FHIP2A: variants seen among roughly 807,000 people sequenced by gnomAD.
FHIP2A encodes family with sequence similarity 160 member B1.
In FHIP2A, 46 loss-of-function variants were observed where a neutral mutation model predicts 93.5. That is an observed-to-expected ratio of 0.49 (90% CI 0.39 to 0.63). FHIP2A has a LOEUF of 0.63. Among genes scored for constraint, FHIP2A ranks in the 20% least tolerant of loss-of-function variants. FHIP2A has a pLI of 0.00. For missense variants in FHIP2A, 769 were observed against 909.7 expected (o/e 0.85, Z 1.99); for synonymous variants, 332 against 326.5 (o/e 1.02, Z -0.18).
rs1448677795 is a variant in FHIP2A, at chr10:114,863,166, GA to G, written c.*1632del. 4.1e-6 allele frequency: 4 copies of G among 977,824 alleles called. No homozygotes were observed. In the African/African-American group the frequency reaches 7.0e-5, roughly 17 times the overall value. The allele number at this position is 977,824 out of a possible 1,614,324, so 60.6% of individuals were successfully genotyped here. A position where few individuals can be genotyped will look rare whatever the true frequency, so the allele number is the denominator to read the frequency against. On this transcript the variant is annotated 3_prime_UTR_variant, in exon 17 of 17. Coordinates refer to ENST00000369248, the MANE Select transcript of FHIP2A (RefSeq NM_020940.4). ...TAAGAAATTTATTAAGTAAAACAAAGAAAAAACAGAAGTGGGAGATAGTTAT... is the reference window on the plus strand; with the variant it reads ...TAAGAAATTTATTAAGTAAAACAAAGAAAAACAGAAGTGGGAGATAGTTAT...
At position 114,862,083 on chromosome 10, in the gene FHIP2A, ATG is replaced by A. The variant is rs1199915729; in HGVS notation, c.*547_*548del. 3 of 957,380 alleles carry A rather than the reference ATG, an allele frequency of 3.1e-6. No homozygotes were observed. The African/African-American group carries it at 5.3e-5, about 17-fold the overall frequency. The allele number at this position is 957,380 out of a possible 1,614,324, so 59.3% of individuals were successfully genotyped here. Reference sequence around the variant, plus strand: ...AATGAATTAATTATAGGCGATAAAAATGTGTAGAGCACCATTAACTTTCTTCA... The same window carrying A: ...AATGAATTAATTATAGGCGATAAAAATGTAGAGCACCATTAACTTTCTTCA... On this transcript the variant is annotated 3_prime_UTR_variant, in exon 17 of 17. Transcript: ENST00000369248.
Position 114,821,837 on chromosome 10 carries a change from G to T in FHIP2A, c.-242G>T, listed in dbSNP as rs561951534. 7.2e-5 allele frequency: 17 copies of T among 237,198 alleles called. No homozygotes were observed. In the Admixed American group the frequency reaches 8.6e-4, roughly 12 times the overall value. 14.7% of individuals were successfully genotyped at this position (237,198 alleles called of 1,614,324 possible). A position where few individuals can be genotyped will look rare whatever the true frequency, so the allele number is the denominator to read the frequency against. Reference sequence around the variant, plus strand: ...CGCCGCCGGAGCTTCTCCGGGCCCCGAGTCCTCGCCGAACGCCCTCCTCGC... The same window carrying T: ...CGCCGCCGGAGCTTCTCCGGGCCCCTAGTCCTCGCCGAACGCCCTCCTCGC... On this transcript the variant is annotated 5_prime_UTR_variant, in exon 1 of 17. Coordinates refer to ENST00000369248, the MANE Select transcript of FHIP2A (RefSeq NM_020940.4).
At chr10:114,872,320 T>C (rs1807353310) in intron 16 of FHIP2A, among the ~76,000 whole-genome samples, 1 of 152,120 alleles carries the variant, frequency 6.6e-6, no homozygotes, top group Non-Finnish European at 1.5e-5. Context: ...TCATTCAAAA[T>C]CCTAGAGGCC....
chr10:114,823,789 C>A (rs1233921263), intron 1 of FHIP2A, among the ~76,000 whole-genome samples: 1 of 151,958 alleles, frequency 6.6e-6, no homozygotes, highest in African/African-American at 2.4e-5. Flanking sequence ...TGAGCCACCA[C>A]ACCCGGCCCG....
intron 14 of FHIP2A, among the ~76,000 whole-genome samples, chr10:114,859,567 C>T (rs1021890915): frequency 6.6e-6 from 1 of 152,188 alleles, no homozygotes; most frequent in Non-Finnish European, 1.5e-5. Context: ...AGTTTTGTTG[C>T]AACCAATCCG....
chr10:114,874,738 A>G (rs1188458573), intron 16 of FHIP2A, among the ~76,000 whole-genome samples: 1 of 152,130 alleles, frequency 6.6e-6, no homozygotes, highest in East Asian at 1.9e-4. Flanking sequence ...TCCTGACCTC[A>G]GGAGATCCGC....
intron 16 of FHIP2A, among the ~76,000 whole-genome samples, chr10:114,894,219 C>T (rs1051067918): frequency 2.0e-5 from 3 of 152,014 alleles, no homozygotes; most frequent in Admixed American, 2.0e-4. Context: ...TTATTGTGTG[C>T]TTGTGTACCA....
chr10:114,885,378 A>G (rs2143015543), intron 16 of FHIP2A, among the ~76,000 whole-genome samples: 2 of 151,656 alleles, frequency 1.3e-5, no homozygotes, highest in South Asian at 4.2e-4. Flanking sequence ...CTGCACAACA[A>G]GAGTGAAACT....
intron 12 of FHIP2A, among the ~76,000 whole-genome samples, chr10:114,847,675 A>G (rs548053436): frequency 6.6e-6 from 1 of 152,216 alleles, no homozygotes; most frequent in South Asian, 2.1e-4. Context: ...GCTGCGGGCA[A>G]CACTTGATAC....
chr10:114,898,148 C>A (rs1368239028), intron 16 of FHIP2A, among the ~76,000 whole-genome samples: 1 of 152,152 alleles, frequency 6.6e-6, no homozygotes, highest in Non-Finnish European at 1.5e-5. Flanking sequence ...CAACTGATCG[C>A]TTTTCAGTTC....
In FHIP2A at chr10:114,864,680, G is replaced by A. The variant is rs568630308; in HGVS notation, c.*3140G>A. 4.1e-6 allele frequency: 4 copies of A among 984,792 alleles called. No homozygotes were observed. Among genetic ancestry groups the A allele is most frequent in the East Asian group, 1.1e-4 (1 of 8,808 alleles). 61.0% of individuals were successfully genotyped at this position (984,792 alleles called of 1,614,324 possible). A position where few individuals can be genotyped will look rare whatever the true frequency, so the allele number is the denominator to read the frequency against. On this transcript the variant is annotated 3_prime_UTR_variant, in exon 17 of 17. Transcript: ENST00000369248. ...CTAACAATGCATGCAGGACTAAGAG[G>A]GATGATCTAAAAAATAAATAATGTA...
chr10:114,861,947 A>G lies in FHIP2A; in HGVS notation c.*407A>G. The G allele has an allele frequency of 1.0e-6, 1 of 986,190 alleles. No individual in the cohort carries two copies. Among genetic ancestry groups the G allele is most frequent in the African/African-American group, 1.7e-5 (1 of 57,348 alleles). The allele number at this position is 986,190 out of a possible 1,614,324, so 61.1% of individuals were successfully genotyped here. A position where few individuals can be genotyped will look rare whatever the true frequency, so the allele number is the denominator to read the frequency against. ...TCAAATGCTTGTATTCTTTTGGATT[A>G]ATAAGTAGCAAAAAAAAATCACTAA... is the stretch of plus-strand genomic sequence containing the variant. On this transcript the variant is annotated 3_prime_UTR_variant, in exon 17 of 17. Transcript: ENST00000369248.
rs533116185 is a variant in FHIP2A, at chr10:114,843,770, A to G, written c.846A>G (p.Glu282=). ...GCAGAATAGCTGTGAAGGCATGTGA[A>G]GGCTTGATGCTGTTAGTAAGTTTGC... ...PDGRIAVKAC[E]GLMLLVSLPE... Residue 282 remains glutamate, a synonymous_variant, in exon 7 of 17, where the codon GAA becomes GAG. Coordinates refer to ENST00000369248, the MANE Select transcript of FHIP2A (RefSeq NM_020940.4). 8.9e-6 allele frequency: 14 copies of G among 1,566,082 alleles called. No homozygotes were observed. In the African/African-American group the frequency reaches 1.9e-4, roughly 22 times the overall value.
chr10:114,879,430 G>A (rs1055963981), intron 16 of FHIP2A, among the ~76,000 whole-genome samples: 1 of 152,052 alleles, frequency 6.6e-6, no homozygotes, highest in African/African-American at 2.4e-5. Flanking sequence ...TTATACCACA[G>A]CCAGATGAAT....
At chr10:114,894,068 T>G (rs2083988613) in intron 16 of FHIP2A, among the ~76,000 whole-genome samples, 1 of 152,206 alleles carries the variant, frequency 6.6e-6, no homozygotes, top group Non-Finnish European at 1.5e-5. Flanking sequence ...TTAAAAAGTC[T>G]TGGTTTAGCA....
intron 16 of FHIP2A, among the ~76,000 whole-genome samples, chr10:114,874,875 A>T (rs974840636): frequency 2.0e-5 from 3 of 152,218 alleles, no homozygotes; most frequent in African/African-American, 7.2e-5. Flanking sequence ...TAGGCCACAG[A>T]GGCCCTTGGA....
chr10:114,855,077 G>A (rs959796234), intron 13 of FHIP2A, 120 bp from the exon 14 acceptor site: 1 of 1,030,308 alleles, frequency 9.7e-7, no homozygotes, highest in Non-Finnish European at 1.4e-6. Flanking sequence ...CTTGGCACCT[G>A]AAGCATAGCA....
At chr10:114,825,984 A>T (rs1029044816) in intron 1 of FHIP2A, among the ~76,000 whole-genome samples, 36 of 152,236 alleles carry the variant, frequency 2.4e-4, no homozygotes, top group African/African-American at 8.7e-4. Flanking sequence ...TTTTCAAATT[A>T]TAGTTAAGAG....
At position 114,862,156 on chromosome 10, in the gene FHIP2A, A is replaced by G; in HGVS notation, c.*616A>G. On this transcript the variant is annotated 3_prime_UTR_variant, in exon 17 of 17. Coordinates refer to ENST00000369248, the MANE Select transcript of FHIP2A (RefSeq NM_020940.4). The stretch of plus-strand genomic sequence containing the variant: ...TTAATATGATAAATTCTTGATTAAT[A>G]TAATATATCTATATTTTTAAAGAAA... 6.6e-6 allele frequency: 6 copies of G among 906,590 alleles called. No individual in the cohort carries two copies. The highest frequency in any genetic ancestry group is 7.9e-6 in the Non-Finnish European group (6 of 758,352). The allele number at this position is 906,590 out of a possible 1,614,324, so 56.2% of individuals were successfully genotyped here. A position where few individuals can be genotyped will look rare whatever the true frequency, so the allele number is the denominator to read the frequency against.
Sources: gnomAD v4.1 joint callset for allele counts (sites outside exome capture counted in the v4.1 genomes callset) on GRCh38, gnomAD v4.1.1 for gene constraint, MANE v1.5 for transcripts, NCBI Gene and HGNC (gene_info 2026-07-23, HGNC 2026-07-21) for gene names.